The following ERICH1 variants were observed in gnomAD, a reference collection of about 807,000 sequenced individuals.
ERICH1 encodes the protein glutamate-rich protein 1.
Under a neutral mutation model 39.6 loss-of-function variants are expected in ERICH1, and 56 were observed. That is an observed-to-expected ratio of 1.41 (90% CI 1.14 to 1.77). The LOEUF is 1.77. ERICH1 is among the 40% of genes most tolerant of loss of function. The pLI is 0.00. For synonymous variants in ERICH1, 313 were observed against 223.6 expected, an observed-to-expected ratio of 1.40 and a Z score of -3.57; for missense variants, 826 against 575.4, an observed-to-expected ratio of 1.44 and a Z score of -4.45.
chr8:687,537 G>C (rs1339356223), intron 3 of ERICH1, among the ~76,000 whole-genome samples: 1 of 152,248 alleles, frequency 6.6e-6, no homozygotes, highest in Non-Finnish European at 1.5e-5. Flanking sequence ...ACGCGCTGAG[G>C]GGGCGCAGGG....
At chr8:630,046 CACAG>C (rs765881241) in intron 3 of ERICH1, among the ~76,000 whole-genome samples, 34 of 89,334 alleles carry the variant, frequency 3.8e-4, no homozygotes, top group African/African-American at 1.0e-3. Context: ...TGACCACCCA[CACAG>C]ACAGAGCTGA....
intron 3 of ERICH1, among the ~76,000 whole-genome samples, chr8:656,592 G>A (rs556837970): frequency 3.9e-5 from 6 of 152,168 alleles, no homozygotes; most frequent in Non-Finnish European, 5.9e-5. Context: ...GATCTTGTTC[G>A]CATTGAGGCT....
intron 3 of ERICH1, among the ~76,000 whole-genome samples, chr8:687,521 A>G (rs2132016740): frequency 6.6e-6 from 1 of 152,364 alleles, no homozygotes; most frequent in African/African-American, 2.4e-5. Flanking sequence ...GGGGCCCGCT[A>G]ACACCACGCG....
intron 1 of ERICH1, among the ~76,000 whole-genome samples, chr8:730,560 T>C (rs1189453623): frequency 2.0e-5 from 3 of 152,232 alleles, no homozygotes; most frequent in Non-Finnish European, 4.4e-5. Context: ...ACTTCCGTTC[T>C]AAGGCACGGC....
chr8:627,942 C>T (rs1014814780), intron 3 of ERICH1, among the ~76,000 whole-genome samples: 5 of 152,066 alleles, frequency 3.3e-5, no homozygotes, highest in Admixed American at 1.3e-4. Context: ...ACACAGGGGC[C>T]GGGGGGGCCT....
At chr8:696,907 T>G (rs1810439458) in intron 2 of ERICH1, among the ~76,000 whole-genome samples, 1 of 135,242 alleles carries the variant, frequency 7.4e-6, no homozygotes, top group Non-Finnish European at 1.6e-5. Flanking sequence ...TCCCTCTCCT[T>G]CCTCCCCATC....
downstream of ERICH1, among the ~76,000 whole-genome samples, chr8:662,058 C>T (rs1327839145): frequency 1.3e-5 from 2 of 151,944 alleles, no homozygotes; most frequent in Admixed American, 6.6e-5. Flanking sequence ...AAAGGCCACA[C>T]ATGACCCACC....
chr8:660,583 C>T (rs1346950311), downstream of ERICH1, among the ~76,000 whole-genome samples: 3 of 152,260 alleles, frequency 2.0e-5, no homozygotes, highest in African/African-American at 4.8e-5. Context: ...CACCCAAAGA[C>T]ACTGCGAGGC....
rs1797834865 is a variant in ERICH1, at chr8:629,612, CCCG to C, written c.977-14331_977-14329del. On this transcript the variant is annotated intron_variant, in intron 3 of 3. Transcript: ENST00000522706. Reference sequence around the variant, plus strand: ...CCCACAGAGACAGAGCTGACTCACACCCGCCTGTGACCACCCCAGAGACAGAGC... The same window carrying C: ...CCCACAGAGACAGAGCTGACTCACACCCTGTGACCACCCCAGAGACAGAGC... 2.4e-4 allele frequency among the ~76,000 whole-genome samples: 24 copies of C among 100,944 alleles called. 1 individual carries two copies. Among genetic ancestry groups the C allele is most frequent in the African/African-American group, 3.5e-4 (9 of 25,426 alleles). 66.2% of individuals were successfully genotyped at this position (100,944 alleles called of 152,430 possible).
intron 3 of ERICH1, among the ~76,000 whole-genome samples, chr8:622,476 A>G (rs1797345549): frequency 6.6e-6 from 1 of 152,244 alleles, no homozygotes; most frequent in South Asian, 2.1e-4. Context: ...TGAAGCAGAG[A>G]ACGAAGCTTT....
At chr8:715,834 C>A in intron 2 of ERICH1, 27 bp downstream of exon 2, 1 of 1,589,440 alleles carries the variant, frequency 6.3e-7, no homozygotes. Context: ...GTTTCTGAGA[C>A]CCACCCACAT....
At chr8:692,695 T>G (rs1035257017) in intron 2 of ERICH1, 83 bp from the exon 3 acceptor site, 17 of 1,376,828 alleles carry the variant, frequency 1.2e-5, no homozygotes, top group Non-Finnish European at 1.9e-6. Context: ...ATCGGCATTG[T>G]TTCTCTAAAT....
chr8:721,730 C>A (rs111349745), intron 1 of ERICH1, among the ~76,000 whole-genome samples: 13 of 152,194 alleles, frequency 8.5e-5, no homozygotes, highest in Non-Finnish European at 1.6e-4. Flanking sequence ...AGCTCTACTT[C>A]GCGACTAATA....
chr8:639,008 A>C (rs1033436242), intron 3 of ERICH1, among the ~76,000 whole-genome samples: 2 of 151,762 alleles, frequency 1.3e-5, no homozygotes, highest in African/African-American at 4.9e-5. Flanking sequence ...CCACCGCCCC[A>C]CCTGCCCACA....
At chr8:700,610 G>C (rs1201493707) in intron 2 of ERICH1, among the ~76,000 whole-genome samples, 1 of 151,204 alleles carries the variant, frequency 6.6e-6, no homozygotes. Context: ...GACAGCTCCA[G>C]TCAGTCCTCA....
At chr8:708,928 C>A (rs903770115) in intron 2 of ERICH1, among the ~76,000 whole-genome samples, 4 of 151,810 alleles carry the variant, frequency 2.6e-5, no homozygotes, top group Non-Finnish European at 4.4e-5. Flanking sequence ...CTCCTAAGCT[C>A]AAGTGATCCA....
chr8:721,525 T>C (rs958533153), intron 1 of ERICH1, among the ~76,000 whole-genome samples: 9 of 152,220 alleles, frequency 5.9e-5, no homozygotes, highest in Admixed American at 6.5e-5. Flanking sequence ...TCAGGGCCTT[T>C]ACCACCAGTG....
intron 4 of ERICH1, among the ~76,000 whole-genome samples, chr8:672,516 C>T (rs1217996491): frequency 6.6e-6 from 1 of 152,140 alleles, no homozygotes; most frequent in Non-Finnish European, 1.5e-5. Context: ...AAATCTGGAT[C>T]TGCTAAACCC....
At chr8:641,250 G>A (rs781487372) in intron 3 of ERICH1, 2 of 152,206 alleles carry the variant, frequency 1.3e-5, no homozygotes, top group Non-Finnish European at 2.9e-5. Context: ...AATTCTAGTG[G>A]AGGAAAGTGG....
Sources: allele counts gnomAD v4.1 joint callset (sites outside exome capture counted in the v4.1 genomes callset), GRCh38; gene constraint gnomAD v4.1.1; transcripts MANE v1.5; gene names NCBI Gene and HGNC (gene_info 2026-07-23, HGNC 2026-07-21).